Variants in SEMA3A observed in about 807,000 individuals in gnomAD.
SEMA3A encodes the protein semaphorin-3A.
A neutral mutation model predicts 97.9 loss-of-function variants in SEMA3A; 29 were observed. The ratio of observed to expected loss-of-function variants is 0.30; its 90% CI spans 0.22 to 0.40. The LOEUF (loss-of-function observed/expected upper bound fraction) is 0.40, where lower values mean the gene tolerates loss of function less well. Ranked by LOEUF, SEMA3A falls within the 10% of genes least tolerant of loss-of-function variation. The probability of loss-of-function intolerance (pLI) is 1.00; values close to 1 mark genes in which losing one functional copy is unlikely to be tolerated. For missense variants in SEMA3A, 763 were observed against 951.3 expected, an observed-to-expected ratio of 0.80 and a Z score of 2.60; for synonymous variants, 321 against 323.7, an observed-to-expected ratio of 0.99 and a Z score of 0.09.
intron 3 of SEMA3A, among the ~76,000 whole-genome samples, chr7:84,275,057 T>C (rs1386273548): frequency 1.3e-5 from 2 of 152,114 alleles, no homozygotes; most frequent in Non-Finnish European, 2.9e-5. Flanking sequence ...ATCATACTAT[T>C]ATTATTTTTT....
intron 3 of SEMA3A, among the ~76,000 whole-genome samples, chr7:84,206,463 T>C (rs1436367009): frequency 6.6e-6 from 1 of 151,836 alleles, no homozygotes; most frequent in Non-Finnish European, 1.5e-5. Flanking sequence ...GCTGGGACTA[T>C]AGGCGCTGCC....
At chr7:84,031,048 A>C (rs959983367) in intron 6 of SEMA3A, among the ~76,000 whole-genome samples, 2 of 128,818 alleles carry the variant, frequency 1.6e-5, no homozygotes, top group Non-Finnish European at 3.1e-5. Flanking sequence ...GCTGGAGTGC[A>C]GTGGTGCCAT....
intron 1 of SEMA3A, among the ~76,000 whole-genome samples, chr7:84,420,586 T>C (rs543796738): frequency 6.6e-6 from 1 of 151,926 alleles, no homozygotes; most frequent in Non-Finnish European, 1.5e-5. Context: ...CAAAAACTTT[T>C]CTTATTTGAT....
At position 83,991,715 on chromosome 7, in the gene SEMA3A, G is replaced by A. The variant is rs1327185648; in HGVS notation, c.1453-6238C>T. On this transcript the variant is annotated intron_variant, in intron 12 of 16. Coordinates refer to ENST00000265362, the MANE Select transcript of SEMA3A (RefSeq NM_006080.3). ...AGCTTTTTGATGTGCTGCTGGATTC[G>A]GTTTGCCAGTATTTTATTGAGGATT... Among the ~76,000 whole-genome samples, 18 of 150,612 alleles carry A rather than the reference G, an allele frequency of 1.2e-4. 1 individual carries two copies. Among genetic ancestry groups the A allele is most frequent in the Middle Eastern group, 3.4e-3 (1 of 294 alleles).
intron 12 of SEMA3A, among the ~76,000 whole-genome samples, chr7:83,995,707 AAAT>A (rs1270054915): frequency 2.0e-5 from 1 of 49,010 alleles, no homozygotes; most frequent in African/African-American, 2.4e-4. Context: ...GTTCGAGTAA[AAAT>A]AAAATTAAAA....
intron 1 of SEMA3A, among the ~76,000 whole-genome samples, chr7:84,163,842 AT>A (rs551002141): frequency 0.21 from 26,603 of 126,882 alleles, 2,761 homozygotes; most frequent in African/African-American, 0.31. Context: ...ACACAGTACT[AT>A]TTTTTTTTTT....
chr7:84,050,480 T>G (rs529504888), intron 5 of SEMA3A, among the ~76,000 whole-genome samples: 1 of 152,150 alleles, frequency 6.6e-6, no homozygotes, highest in African/African-American at 2.4e-5. Context: ...CATTTTTTCA[T>G]GTGTTTTTTG....
At chr7:84,311,165 G>A (rs1441252398) in intron 2 of SEMA3A, among the ~76,000 whole-genome samples, 1 of 151,522 alleles carries the variant, frequency 6.6e-6, no homozygotes, top group Non-Finnish European at 1.5e-5. Flanking sequence ...TACTATATTG[G>A]GCAAGGTTTT....
chr7:84,145,630 C>T (rs1796441481), intron 1 of SEMA3A, among the ~76,000 whole-genome samples: 1 of 152,026 alleles, frequency 6.6e-6, no homozygotes, highest in Admixed American at 6.6e-5. Flanking sequence ...TTTTTTCATT[C>T]TATGTGCTCA....
intron 15 of SEMA3A, 70 bp from the exon 16 acceptor site, chr7:83,963,417 T>G: frequency 6.6e-7 from 1 of 1,525,698 alleles, no homozygotes; most frequent in Non-Finnish European, 8.9e-7. Flanking sequence ...AAGTTTTTAT[T>G]TGGAAATTCA....
chr7:84,290,693 T>C (rs73711507), intron 3 of SEMA3A, among the ~76,000 whole-genome samples: 2,690 of 152,248 alleles, frequency 0.018, 81 homozygotes, highest in African/African-American at 0.062. Flanking sequence ...CATACTTTTA[T>C]GGAAGTATTA....
chr7:84,212,724 A>C (rs1482444684), intron 3 of SEMA3A, among the ~76,000 whole-genome samples: 1 of 152,128 alleles, frequency 6.6e-6, no homozygotes, highest in Non-Finnish European at 1.5e-5. Context: ...AAAATGAAAC[A>C]ATGTGGTGTG....
intron 3 of SEMA3A, among the ~76,000 whole-genome samples, chr7:84,200,599 T>C (rs1798331271): frequency 6.6e-6 from 1 of 152,086 alleles, no homozygotes. Context: ...TCTCTTTTCT[T>C]TTGTCTTCTT....
rs200694995 is a variant in SEMA3A at position 84,408,486 on chromosome 7, G to A, written c.-245-36586C>T. On this transcript the variant is annotated intron_variant, in intron 1 of 3. Transcript: ENST00000424555. ...CAACCATTGTGGAAGTCAGTGTGGC[G>A]ATTCCTCAGGGATCTAGAACTAGAA... Among the ~76,000 whole-genome samples, 35 of 152,006 alleles carry A rather than the reference G, an allele frequency of 2.3e-4. No homozygotes were observed. The East Asian group carries it at 5.8e-3, about 25-fold the overall frequency.
At chr7:84,400,608 A>G (rs1803875536) in intron 1 of SEMA3A, among the ~76,000 whole-genome samples, 1 of 152,182 alleles carries the variant, frequency 6.6e-6, no homozygotes, top group East Asian at 1.9e-4. Flanking sequence ...AAGATGAAAG[A>G]GTGAAGAATG....
chr7:84,358,889 CT>C (rs1802640387), intron 2 of SEMA3A, among the ~76,000 whole-genome samples: 3 of 152,228 alleles, frequency 2.0e-5, no homozygotes, highest in Admixed American at 2.0e-4. Flanking sequence ...ATTGTATTCT[CT>C]TTGAAGCAAT....
At chr7:84,244,363 TG>T (rs1799433235) in intron 3 of SEMA3A, among the ~76,000 whole-genome samples, 1 of 152,296 alleles carries the variant, frequency 6.6e-6, no homozygotes, top group South Asian at 2.1e-4. Context: ...TTGTCTTTTT[TG>T]TTCTTTGTTC....
At chr7:84,178,106 A>G (rs988888645) in intron 1 of SEMA3A, among the ~76,000 whole-genome samples, 10 of 152,130 alleles carry the variant, frequency 6.6e-5, no homozygotes, top group Admixed American at 3.9e-4. Flanking sequence ...CAAACAAATT[A>G]TCTTTTCCTC....
intron 1 of SEMA3A, among the ~76,000 whole-genome samples, chr7:84,185,330 CTTG>C (rs1324564158): frequency 6.6e-6 from 1 of 151,914 alleles, no homozygotes; most frequent in African/African-American, 2.4e-5. Flanking sequence ...TATTTCCAGA[CTTG>C]TTGTGAAGAC....
Sources: allele counts gnomAD v4.1 joint callset (sites outside exome capture counted in the v4.1 genomes callset), GRCh38; gene constraint gnomAD v4.1.1; transcripts MANE v1.5; gene names NCBI Gene and HGNC (gene_info 2026-07-23, HGNC 2026-07-21).